The following CDKN3 variants were observed in gnomAD, a reference collection of about 807,000 sequenced individuals.
CDKN3 encodes the protein cyclin-dependent kinase inhibitor 3.
In CDKN3, 19 loss-of-function variants were observed where a neutral mutation model predicts 36.1. The ratio of observed to expected loss-of-function variants is 0.53; its 90% confidence interval spans 0.37 to 0.77. CDKN3 has a LOEUF of 0.77. Among genes scored for constraint, CDKN3 ranks in the 30% least tolerant of loss-of-function variants. The pLI is 0.00. For synonymous variants in CDKN3, 71 were observed against 85.3 expected (o/e 0.83, Z 0.92); for missense variants, 188 against 248.6 (o/e 0.76, Z 1.64).
intron 3 of CDKN3, among the ~76,000 whole-genome samples, chr14:54,402,279 G>A (rs1258523777): frequency 6.6e-6 from 1 of 151,044 alleles, no homozygotes; most frequent in African/African-American, 2.4e-5. Context: ...TCCTTTTCAT[G>A]GCTGAGTAGT....
chr14:54,411,263 C>T (rs907402964), intron 4 of CDKN3: 25 of 415,216 alleles, frequency 6.0e-5, no homozygotes, highest in Non-Finnish European at 1.1e-4. Flanking sequence ...CAGCAATTGA[C>T]TTATTTTGAA....
At chr14:54,402,812 T>G (rs1179514532) in intron 3 of CDKN3, among the ~76,000 whole-genome samples, 1 of 152,230 alleles carries the variant, frequency 6.6e-6, no homozygotes, top group African/African-American at 2.4e-5. Flanking sequence ...AGGGAATCCT[T>G]TCCTAATTGC....
At position 54,419,997 on chromosome 14, in the gene CDKN3, C is replaced by A. The variant is rs147852278; in HGVS notation, c.558C>A (p.Tyr186Ter). ...TGTATCTTTACTTTTTTCAGCAATA[C>A]AATTATCTTCATGAGTTTCGGGACA... ...GSGAIQTIKQ[Y>*]NYLHEFRDKL... Residue 186 changes from tyrosine to a stop codon, truncating the protein, a stop_gained, in exon 8 of 8, where the codon TAC (tyrosine) becomes TAA (stop). Transcript: ENST00000335183. LOFTEE classifies it high-confidence loss of function. The A allele has an allele frequency of 4.4e-6, 7 of 1,595,192 alleles. No homozygotes were observed. Among genetic ancestry groups the A allele is most frequent in the Non-Finnish European group, 6.0e-6 (7 of 1,163,468 alleles).
intron 5 of CDKN3, chr14:54,412,927 A>G (rs2030410347): frequency 2.0e-6 from 1 of 504,678 alleles, no homozygotes; most frequent in Non-Finnish European, 4.0e-6. Context: ...ATTATATCAA[A>G]TAGCCATGGG....
At chr14:54,415,339 T>C (rs559709258) in intron 5 of CDKN3, among the ~76,000 whole-genome samples, 1 of 152,224 alleles carries the variant, frequency 6.6e-6, no homozygotes. Context: ...TACATACTAT[T>C]GCTATCACCA....
At chr14:54,399,089 G>A (rs1271105680) in intron 1 of CDKN3, among the ~76,000 whole-genome samples, 1 of 142,780 alleles carries the variant, frequency 7.0e-6, no homozygotes, top group African/African-American at 2.6e-5. Flanking sequence ...GGGTTCCAGG[G>A]ATTCTCCTGC....
chr14:54,408,705 G>A (rs1566706982), intron 3 of CDKN3, 40 bp from the exon 4 acceptor site: 10 of 1,554,640 alleles, frequency 6.4e-6, no homozygotes, highest in East Asian at 2.3e-5. Flanking sequence ...TACATATGAC[G>A]AAAAACTGAC....
intron 3 of CDKN3, among the ~76,000 whole-genome samples, chr14:54,404,644 G>A (rs764870894): frequency 8.6e-5 from 13 of 151,814 alleles, no homozygotes; most frequent in South Asian, 2.1e-4. Context: ...GCACAATCTC[G>A]GCTCACTGCA....
At chr14:54,405,082 T>G (rs1200567826) in intron 3 of CDKN3, among the ~76,000 whole-genome samples, 2 of 152,174 alleles carry the variant, frequency 1.3e-5, no homozygotes, top group African/African-American at 2.4e-5. Flanking sequence ...AAATAACTTC[T>G]TTTTTTCTGC....
chr14:54,413,200 A>G (rs1275943562), intron 5 of CDKN3, among the ~76,000 whole-genome samples: 2 of 152,210 alleles, frequency 1.3e-5, no homozygotes, highest in Non-Finnish European at 2.9e-5. Context: ...TAGTCACTTA[A>G]CCAGTACTAA....
intron 6 of CDKN3, among the ~76,000 whole-genome samples, chr14:54,417,272 G>C (rs180756766): frequency 2.0e-5 from 3 of 152,322 alleles, no homozygotes; most frequent in Admixed American, 1.3e-4. Context: ...TTGACGAACA[G>C]ATAAACACAA....
At chr14:54,413,638 AT>A in intron 5 of CDKN3, 1 of 1,535,308 alleles carries the variant, frequency 6.5e-7, no homozygotes, top group Non-Finnish European at 8.7e-7. Context: ...TGACTAGTTT[AT>A]TTTCTATCCA....
intron 3 of CDKN3, among the ~76,000 whole-genome samples, chr14:54,406,235 G>A (rs1035056706): frequency 7.9e-5 from 12 of 152,254 alleles, no homozygotes; most frequent in African/African-American, 2.9e-4. Context: ...TTCCTTTTGT[G>A]GGTAACCCAG....
Position 54,419,980 on chromosome 14 carries a change from T to G in CDKN3, c.553-12T>G. 1 of 1,534,598 alleles carries G rather than the reference T, an allele frequency of 6.5e-7. No homozygotes were observed. The highest frequency in any genetic ancestry group is 9.0e-7 in the Non-Finnish European group (1 of 1,108,100). ...TCTACAGTGTATTCCAATGTATCTT[T>G]ACTTTTTTCAGCAATACAATTATCT... On this transcript the variant is annotated splice_polypyrimidine_tract_variant and intron_variant, in intron 7 of 7. Transcript: ENST00000335183.
At chr14:54,398,079 G>T (rs1884013) in intron 1 of CDKN3, among the ~76,000 whole-genome samples, 107,917 of 152,102 alleles carry the variant, frequency 0.71, 38,308 homozygotes, top group African/African-American at 0.73. Flanking sequence ...TGCAGTGAGC[G>T]GATATCACGC....
At chr14:54,404,664 T>A (rs1403618367) in intron 3 of CDKN3, among the ~76,000 whole-genome samples, 1 of 152,024 alleles carries the variant, frequency 6.6e-6, no homozygotes, top group Non-Finnish European at 1.5e-5. Context: ...AAGCTCTGCC[T>A]CCCGGGTTCA....
chr14:54,410,490 T>A (rs1350649904), intron 4 of CDKN3, among the ~76,000 whole-genome samples: 1 of 152,218 alleles, frequency 6.6e-6, no homozygotes, highest in African/African-American at 2.4e-5. Context: ...ATAGTTAATA[T>A]TGCCATAAAG....
intron 6 of CDKN3, among the ~76,000 whole-genome samples, chr14:54,417,378 C>A (rs932350079): frequency 1.2e-4 from 19 of 152,146 alleles, no homozygotes; most frequent in Non-Finnish European, 2.9e-5. Flanking sequence ...ACACATTATG[C>A]TAAGAGAAGT....
At position 54,406,657 on chromosome 14, in the gene CDKN3, C is replaced by T. The variant is rs539121709; in HGVS notation, c.149-2088C>T. 3.0e-4 allele frequency among the ~76,000 whole-genome samples: 46 copies of T among 151,994 alleles called. 1 individual carries two copies. In the South Asian group the frequency reaches 8.5e-3, roughly 28 times the overall value. On this transcript the variant is annotated intron_variant, in intron 3 of 7. Coordinates refer to ENST00000335183, the MANE Select transcript of CDKN3 (RefSeq NM_005192.4). ...GCTATTGATACTTGTGTATGCATCACGAAGTTCTCCTGCTGTGTTTTTCAG... is the reference window on the plus strand; with the variant it reads ...GCTATTGATACTTGTGTATGCATCATGAAGTTCTCCTGCTGTGTTTTTCAG...
Sources: gnomAD v4.1 joint callset for allele counts (sites outside exome capture counted in the v4.1 genomes callset) on GRCh38, gnomAD v4.1.1 for gene constraint, MANE v1.5 for transcripts, NCBI Gene and HGNC (gene_info 2026-07-23, HGNC 2026-07-21) for gene names.